Variants in CRYBG3 observed in about 807,000 individuals in gnomAD.
CRYBG3 encodes the protein crystallin beta-gamma domain containing 3.
In CRYBG3, 127 loss-of-function variants were observed where a neutral mutation model predicts 244.2. That is an observed-to-expected ratio of 0.52 (90% CI 0.45 to 0.60). The LOEUF (loss-of-function observed/expected upper bound fraction) is 0.60, where lower values mean the gene tolerates loss of function less well. Among genes scored for constraint, CRYBG3 ranks in the 20% least tolerant of loss-of-function variants. The pLI is 0.00. For synonymous variants in CRYBG3, 1,132 were observed against 1,195.8 expected (o/e 0.95, Z 1.10); for missense variants, 3,325 against 3,442.5 (o/e 0.97, Z 0.85).
intron 3 of CRYBG3, among the ~76,000 whole-genome samples, 183 bp downstream of exon 3, chr3:97,864,830 A>G (rs1278290748): frequency 6.6e-6 from 1 of 152,144 alleles, no homozygotes; most frequent in East Asian, 1.9e-4. Flanking sequence ...ACAGAGAACC[A>G]TACAGGTAAT....
intron 17 of CRYBG3, among the ~76,000 whole-genome samples, chr3:97,921,611 G>A (rs2039985641): frequency 6.6e-6 from 1 of 152,100 alleles, no homozygotes; most frequent in South Asian, 2.1e-4. Context: ...GAAGTTGGGG[G>A]ATGGTGGGGA....
chr3:97,873,424 G>A lies in CRYBG3; in HGVS notation c.2230G>A (p.Val744Ile). The change falls in exon 4 of 22, where the codon GTT becomes ATT. Residue 744 changes from valine to isoleucine, a missense_variant. Val to Ile is a conservative substitution (Grantham distance 29). Around this residue, in one of 4 missense-constraint regions of CRYBG3, gnomAD observed 1,526 missense variants for 1,443.2 expected, o/e 1.06. Transcript: ENST00000389622. ...TCTTTCTAATAGTGAAAAATGCCAG[G>A]TTCTTCCAGGTTCTGAAGCCAGTGG... is the stretch of plus-strand genomic sequence containing the variant. ...EVLSNSEKCQ[V>I]LPGSEASGPH... The A allele has an allele frequency of 6.5e-7, 1 of 1,534,994 alleles. No homozygotes were observed. Among genetic ancestry groups the A allele is most frequent in the African/African-American group, 1.4e-5 (1 of 73,054 alleles).
At chr3:97,893,966 G>A (rs558241261) in intron 11 of CRYBG3, among the ~76,000 whole-genome samples, 43 of 152,242 alleles carry the variant, frequency 2.8e-4, no homozygotes, top group African/African-American at 9.1e-4. Flanking sequence ...TGGATATGTA[G>A]ATTATATCAA....
intron 1 of CRYBG3, among the ~76,000 whole-genome samples, chr3:97,822,593 A>G (rs1401947438): frequency 3.3e-5 from 5 of 152,020 alleles, no homozygotes; most frequent in Admixed American, 6.5e-5. Flanking sequence ...AGCCGGACGC[A>G]TATCCCCCGA....
In CRYBG3 at chr3:97,875,999, C is replaced by T; in HGVS notation, c.4805C>T (p.Ala1602Val). Reference protein sequence around the residue: ...FKMGEVYQMDAESCIEKTEGS... With the variant: ...FKMGEVYQMDVESCIEKTEGS... ...ATGGGAGAAGTATACCAAATGGATG[C>T]CGAGAGCTGTATTGAAAAAACTGAG... is the stretch of plus-strand genomic sequence containing the variant. Residue 1602 changes from alanine to valine, a missense_variant, in exon 4 of 22, where the codon GCC becomes GTC. Around this residue, in one of 4 missense-constraint regions of CRYBG3, gnomAD observed 635 missense variants for 771.7 expected, o/e 0.82. Coordinates refer to ENST00000389622, the MANE Select transcript of CRYBG3 (RefSeq NM_153605.4). 8.1e-7 allele frequency: 1 copy of T among 1,231,906 alleles called. No individual in the cohort carries two copies. The highest frequency in any genetic ancestry group is 1.0e-6 in the Non-Finnish European group (1 of 987,902). The allele number at this position is 1,231,906 out of a possible 1,614,324, so 76.3% of individuals were successfully genotyped here. A position where few individuals can be genotyped will look rare whatever the true frequency, so the allele number is the denominator to read the frequency against.
chr3:97,861,174 G>A (rs1281014845), intron 2 of CRYBG3, among the ~76,000 whole-genome samples: 1 of 152,068 alleles, frequency 6.6e-6, no homozygotes, highest in Non-Finnish European at 1.5e-5. Flanking sequence ...GTCTTCATCA[G>A]CCATATCCCT....
intron 2 of CRYBG3, among the ~76,000 whole-genome samples, chr3:97,857,247 T>C (rs1191870929): frequency 5.9e-5 from 9 of 152,268 alleles, no homozygotes; most frequent in Admixed American, 5.2e-4. Flanking sequence ...TCGTATGATT[T>C]TGATTTCTTA....
At chr3:97,929,889 A>G (rs1559747163) in intron 17 of CRYBG3, among the ~76,000 whole-genome samples, 1 of 151,920 alleles carries the variant, frequency 6.6e-6, no homozygotes, top group African/African-American at 2.4e-5. Flanking sequence ...TGTTCCCTCC[A>G]TCAAGCTTTT....
Position 97,836,680 on chromosome 3 carries a change from G to A in CRYBG3, c.150-6515G>A, listed in dbSNP as rs774587651. Among the ~76,000 whole-genome samples, 33 of 152,122 alleles carry A rather than the reference G, an allele frequency of 2.2e-4. 1 individual carries two copies. The highest frequency in any genetic ancestry group is 1.0e-3 in the Admixed American group (16 of 15,266). On this transcript the variant is annotated intron_variant, in intron 1 of 21. Coordinates refer to ENST00000389622, the MANE Select transcript of CRYBG3 (RefSeq NM_153605.4). ...CATGGCTTGAGCAGACCCTTTGGGA[G>A]GGTGTGAGGATGAAGTCCTTGCTGT...
intron 1 of CRYBG3, among the ~76,000 whole-genome samples, chr3:97,831,293 G>T (rs1483090184): frequency 1.3e-5 from 2 of 152,218 alleles, no homozygotes; most frequent in East Asian, 3.9e-4. Flanking sequence ...TGTTATGACA[G>T]ACTTCAGTCT....
intron 15 of CRYBG3, among the ~76,000 whole-genome samples, chr3:97,908,786 C>A (rs1278060811): frequency 2.0e-5 from 3 of 152,128 alleles, no homozygotes; most frequent in Non-Finnish European, 2.9e-5. Flanking sequence ...TTGATCCTGT[C>A]ATTATGATGT....
chr3:97,937,680 T>C (rs756238635), intron 19 of CRYBG3, among the ~76,000 whole-genome samples: 8 of 152,060 alleles, frequency 5.3e-5, no homozygotes, highest in Non-Finnish European at 8.8e-5. Flanking sequence ...TCCCACTCTA[T>C]AGAAAACCCT....
At chr3:97,838,511 G>A (rs189701829) in intron 1 of CRYBG3, among the ~76,000 whole-genome samples, 152 of 152,184 alleles carry the variant, frequency 1.0e-3, no homozygotes, top group African/African-American at 3.4e-3. Flanking sequence ...TTCCTTGACA[G>A]TCGGGCCCAG....
At position 97,874,128 on chromosome 3, in the gene CRYBG3, G is replaced by T. The variant is rs1021454719; in HGVS notation, c.2934G>T (p.Lys978Asn). ...CTTTGGATATTTGTGGGACTAAAAA[G>T]ATTTCTGGTCACTCAGAAATGGCGG... ...HQSLDICGTK[K>N]ISGHSEMAEL... is the part of the protein sequence containing the mutation. Residue 978 changes from lysine to asparagine, a missense_variant, in exon 4 of 22, where the codon AAG becomes AAT. Transcript: ENST00000389622. 1 of 1,534,628 alleles carries T rather than the reference G, an allele frequency of 6.5e-7. No homozygotes were observed. The highest frequency in any genetic ancestry group is 2.4e-5 in the East Asian group (1 of 40,902).
chr3:97,877,285 G>A lies in CRYBG3; in HGVS notation c.6091G>A (p.Ala2031Thr), dbSNP rs373788515. 1.8e-4 allele frequency: 294 copies of A among 1,614,042 alleles called. 1 individual carries two copies. The East Asian group carries it at 4.2e-3, about 23-fold the overall frequency. Residue 2031 changes from alanine (A) to threonine (T), a missense_variant, in exon 4 of 22, where the codon GCT becomes ACT. This residue lies in a region of CRYBG3 where 450 missense variants were observed against 424.1 expected (regional missense o/e 1.06). Coordinates refer to ENST00000389622, the MANE Select transcript of CRYBG3 (RefSeq NM_153605.4). ...TQSVLFHDTS[A>T]DSMPVLACER... ...GTCTGTCTTGTTTCATGATACGTCC[G>A]CTGACAGCATGCCTGTTCTGGCATG...
chr3:97,915,065 T>G (rs2039912536), intron 16 of CRYBG3, among the ~76,000 whole-genome samples: 1 of 152,200 alleles, frequency 6.6e-6, no homozygotes, highest in Non-Finnish European at 1.5e-5. Context: ...TTTTATATAC[T>G]CTTGTGTGAT....
At chr3:97,852,478 A>G (rs1265004451) in intron 2 of CRYBG3, among the ~76,000 whole-genome samples, 3 of 152,160 alleles carry the variant, frequency 2.0e-5, no homozygotes, top group Admixed American at 6.5e-5. Context: ...GTCTGGACTT[A>G]GGAAGTGATT....
intron 19 of CRYBG3, among the ~76,000 whole-genome samples, chr3:97,938,396 C>A (rs769410503): frequency 1.3e-5 from 2 of 152,056 alleles, no homozygotes; most frequent in Non-Finnish European, 2.9e-5. Context: ...AGGCACTGAG[C>A]TGAATATAGC....
intron 17 of CRYBG3, among the ~76,000 whole-genome samples, chr3:97,921,702 A>G (rs2039986594): frequency 6.6e-6 from 1 of 152,200 alleles, no homozygotes; most frequent in South Asian, 2.1e-4. Flanking sequence ...TTAAAAGAAT[A>G]ATAGCATATA....
Sources: allele counts gnomAD v4.1 joint callset (sites outside exome capture counted in the v4.1 genomes callset), GRCh38; gene constraint gnomAD v4.1.1; regional missense constraint gnomAD v4.1.1; transcripts MANE v1.5; gene names NCBI Gene and HGNC (gene_info 2026-07-23, HGNC 2026-07-21).